The following CCDC171 variants were observed in gnomAD, a reference collection of about 807,000 sequenced individuals.
The protein encoded by CCDC171 is coiled-coil domain-containing protein 171.
CCDC171 carries 177 observed loss-of-function variants against 168.2 expected under a neutral mutation model. The observed-to-expected ratio is 1.05, with a 90% CI of 0.93 to 1.19. The LOEUF (loss-of-function observed/expected upper bound fraction) is 1.19, where lower values mean the gene tolerates loss of function less well. CCDC171 is among the 50% of genes most tolerant of loss of function. The pLI, the probability that CCDC171 is intolerant of heterozygous loss-of-function variation, is 0.00. For synonymous variants in CCDC171, 687 were observed against 540.8 expected, an observed-to-expected ratio of 1.27 and a Z score of -3.75; for missense variants, 1,991 against 1,539.0, an observed-to-expected ratio of 1.29 and a Z score of -4.91.
At chr9:15,884,756 C>T (rs1436258310) in intron 24 of CCDC171, among the ~76,000 whole-genome samples, 1 of 152,006 alleles carries the variant, frequency 6.6e-6, no homozygotes, top group African/African-American at 2.4e-5. Context: ...GCTCACAGGA[C>T]TGTAGGGAGA....
chr9:15,971,551 G>A, intron 25 of CCDC171, 58 bp from the exon 26 acceptor site: 2 of 1,150,756 alleles, frequency 1.7e-6, no homozygotes, highest in Non-Finnish European at 1.3e-6. Flanking sequence ...ATGGTTTTAG[G>A]CTCTATTTGA....
chr9:15,913,470 A>G (rs1393077114), intron 24 of CCDC171, among the ~76,000 whole-genome samples: 3 of 152,120 alleles, frequency 2.0e-5, no homozygotes, highest in African/African-American at 7.2e-5. Flanking sequence ...TAATCTTTAC[A>G]AAAAAACAGC....
the CCDC171 span, among the ~76,000 whole-genome samples, chr9:16,082,453 G>T: frequency 3.3e-5 from 5 of 152,206 alleles, no homozygotes; most frequent in African/African-American, 1.2e-4. Flanking sequence ...GGTAGCCCGG[G>T]GTTTCCTGAA....
Position 15,600,304 on chromosome 9 carries a change from A to T in CCDC171, c.675+6132A>T, listed in dbSNP as rs373803498. ...GATCTTTGATGATGGTGATGTACAG[A>T]TGGGGTTTTGGTGTGGGTGTCCTTT... On this transcript the variant is annotated intron_variant, in intron 6 of 25. Coordinates refer to ENST00000380701, the MANE Select transcript of CCDC171 (RefSeq NM_173550.4). Among the ~76,000 whole-genome samples the T allele has an allele frequency of 8.1e-4, 123 of 152,092 alleles. 2 individuals are homozygous for T. In the South Asian group the frequency reaches 0.025, roughly 30 times the overall value.
the CCDC171 span, among the ~76,000 whole-genome samples, chr9:16,076,624 A>G: frequency 1.3e-5 from 2 of 152,110 alleles, no homozygotes; most frequent in Admixed American, 6.6e-5. Context: ...CCCTCAGCAC[A>G]TCTTCGTGCT....
chr9:15,618,094 A>G (rs7036911), intron 6 of CCDC171, among the ~76,000 whole-genome samples: 1,807 of 152,262 alleles, frequency 0.012, 34 homozygotes, highest in African/African-American at 0.04. Context: ...CAGGTAGGAA[A>G]GATTTAAGTC....
chr9:15,988,634 G>A (rs1305020458), intron 3 of CCDC171, among the ~76,000 whole-genome samples: 6 of 152,222 alleles, frequency 3.9e-5, no homozygotes, highest in Admixed American at 2.6e-4. Context: ...GCGAGGCATC[G>A]CCTCACCCGG....
chr9:15,672,558 C>G (rs2049198466), intron 9 of CCDC171, among the ~76,000 whole-genome samples: 1 of 152,144 alleles, frequency 6.6e-6, no homozygotes, highest in South Asian at 2.1e-4. Flanking sequence ...CCAGTTTCAG[C>G]TTTCTGCATA....
chr9:15,901,326 T>G (rs913077323), intron 24 of CCDC171, among the ~76,000 whole-genome samples: 10 of 152,154 alleles, frequency 6.6e-5, no homozygotes, highest in African/African-American at 2.4e-4. Flanking sequence ...ATAGCCGTAA[T>G]GTAAACTGTG....
intron 6 of CCDC171, among the ~76,000 whole-genome samples, chr9:15,597,445 G>A (rs1344451757): frequency 2.0e-5 from 3 of 152,174 alleles, no homozygotes; most frequent in Non-Finnish European, 2.9e-5. Flanking sequence ...GATGGATTAC[G>A]TTTATTGATT....
At chr9:15,660,768 A>G (rs1203848670) in intron 8 of CCDC171, among the ~76,000 whole-genome samples, 1 of 152,202 alleles carries the variant, frequency 6.6e-6, no homozygotes, top group African/African-American at 2.4e-5. Context: ...GCTATTGTGA[A>G]TAGTGCTGTG....
intron 21 of CCDC171, among the ~76,000 whole-genome samples, chr9:15,829,826 G>C (rs1006809588): frequency 6.6e-6 from 1 of 152,058 alleles, no homozygotes; most frequent in Non-Finnish European, 1.5e-5. Flanking sequence ...AAACGGAGGC[G>C]GGAGGATCAC....
chr9:15,580,179 A>C (rs2041000362), intron 4 of CCDC171, among the ~76,000 whole-genome samples: 1 of 152,206 alleles, frequency 6.6e-6, no homozygotes, highest in Admixed American at 6.5e-5. Flanking sequence ...TAGAAGAGTG[A>C]AGCTGGATCT....
chr9:15,704,694 C>T (rs2052068047), intron 11 of CCDC171, among the ~76,000 whole-genome samples: 1 of 152,180 alleles, frequency 6.6e-6, no homozygotes, highest in Admixed American at 6.5e-5. Context: ...TAGTTTTCTA[C>T]ATTAAGAAAC....
intron 2 of CCDC171, among the ~76,000 whole-genome samples, chr9:15,570,626 G>C (rs1393993327): frequency 3.3e-5 from 5 of 152,122 alleles, no homozygotes; most frequent in African/African-American, 1.2e-4. Context: ...TGGTTAAGCT[G>C]TTTTTCTAGA....
At chr9:15,593,190 A>G (rs977197156) in intron 5 of CCDC171, among the ~76,000 whole-genome samples, 8 of 152,114 alleles carry the variant, frequency 5.3e-5, no homozygotes, top group Non-Finnish European at 8.8e-5. Context: ...TTAGGAGGGT[A>G]GTATTTGTTA....
Position 16,056,089 on chromosome 9 carries a change from C to T in CCDC171, n.90-4557C>T, listed in dbSNP as rs112546956. On this transcript the variant is annotated intron_variant and non_coding_transcript_variant, in intron 1 of 1. Transcript: ENST00000478913. ...ACAGATCACAACCATGTAATCTAAA[C>T]GAAACAAAACAGATATTCAGGAAAA... Among the ~76,000 whole-genome samples, 28 of 152,086 alleles carry T rather than the reference C, an allele frequency of 1.8e-4. No homozygotes were observed. In the East Asian group the frequency reaches 2.5e-3, roughly 14 times the overall value.
chr9:15,758,083 G>A (rs111847839), intron 18 of CCDC171, among the ~76,000 whole-genome samples: 4 of 152,292 alleles, frequency 2.6e-5, no homozygotes, highest in African/African-American at 9.6e-5. Flanking sequence ...TAGTGGAGCT[G>A]TGAGAAGAGG....
chr9:16,009,814 AT>A (rs1455041055), intron 3 of CCDC171, among the ~76,000 whole-genome samples: 2 of 152,214 alleles, frequency 1.3e-5, no homozygotes, highest in Non-Finnish European at 2.9e-5. Context: ...AACATATTTT[AT>A]TTGAGCTGCT....
Sources: gnomAD v4.1 joint callset for allele counts (sites outside exome capture counted in the v4.1 genomes callset) on GRCh38, gnomAD v4.1.1 for gene constraint, MANE v1.5 for transcripts, NCBI Gene and HGNC (gene_info 2026-07-23, HGNC 2026-07-21) for gene names.